The following ARMH4 variants were observed in gnomAD, a reference collection of about 807,000 sequenced individuals.
ARMH4 encodes the protein armadillo like helical domain containing 4, also known as armadillo-like helical domain-containing protein 4.
In ARMH4, 49 loss-of-function variants were observed where a neutral mutation model predicts 61.9. That is an observed-to-expected ratio of 0.79 (90% CI 0.63 to 1.00). ARMH4 has a LOEUF of 1.00. Among genes scored for constraint, ARMH4 ranks in the 50% least tolerant of loss-of-function variants. The probability of loss-of-function intolerance (pLI) is 0.00; values close to 1 mark genes in which losing one functional copy is unlikely to be tolerated. For synonymous variants in ARMH4, 368 were observed against 341.5 expected (o/e 1.08, Z -0.85); for missense variants, 934 against 930.0 (o/e 1.00, Z -0.06).
chr14:58,126,976 G>T (rs1886916735), intron 4 of ARMH4, among the ~76,000 whole-genome samples: 1 of 151,774 alleles, frequency 6.6e-6, no homozygotes, highest in Non-Finnish European at 1.5e-5. Context: ...CTAATTTTTT[G>T]TATTTTTAGT....
rs538125128 is a variant in ARMH4 at position 58,131,564 on chromosome 14, A to G, written c.1779T>C (p.Ile593=). 5 of 1,614,248 alleles carry G rather than the reference A, an allele frequency of 3.1e-6. No individual in the cohort carries two copies. The Admixed American group carries it at 6.7e-5, about 22-fold the overall frequency. The part of the protein sequence containing the change: ...SSERRTVVPS[I]TRVNTAASYG... ...ATGAGGCAGCTGTATTAACACGAGT[A>G]ATAGATGGAACAACAGTTCTTCTCT... Residue 593 remains isoleucine (I), a synonymous_variant, in exon 4 of 8, where the codon ATT becomes ATC. Coordinates refer to ENST00000267485, the MANE Select transcript of ARMH4 (RefSeq NM_001001872.4).
At chr14:58,030,938 A>T (rs191309050) in intron 5 of ARMH4, among the ~76,000 whole-genome samples, 78 of 152,338 alleles carry the variant, frequency 5.1e-4, no homozygotes, top group African/African-American at 1.9e-3. Flanking sequence ...ATGAACATGG[A>T]TGTACAAATA....
intron 5 of ARMH4, among the ~76,000 whole-genome samples, chr14:58,020,590 G>A (rs958741497): frequency 1.3e-5 from 2 of 151,970 alleles, no homozygotes; most frequent in Non-Finnish European, 2.9e-5. Context: ...CTTCCTGTCT[G>A]TGGTGTGTGT....
chr14:58,049,078 A>T (rs940461158), intron 5 of ARMH4, among the ~76,000 whole-genome samples: 1 of 151,888 alleles, frequency 6.6e-6, no homozygotes, highest in Non-Finnish European at 1.5e-5. Flanking sequence ...TCTATTAAAA[A>T]CACAAAAAAA....
chr14:58,041,883 CAAG>C (rs1453656244), intron 5 of ARMH4, among the ~76,000 whole-genome samples: 2 of 152,142 alleles, frequency 1.3e-5, no homozygotes, highest in African/African-American at 4.8e-5. Context: ...ATCAATTCAA[CAAG>C]AAGAGGTAAC....
intron 5 of ARMH4, among the ~76,000 whole-genome samples, chr14:58,013,613 ACATGCATTG>A (rs1882493975): frequency 6.6e-6 from 1 of 152,208 alleles, no homozygotes; most frequent in Admixed American, 6.5e-5. Flanking sequence ...AAAGCATGCC[ACATGCATTG>A]CATCACTTGA....
chr14:58,029,763 A>G (rs1293340822), intron 5 of ARMH4, among the ~76,000 whole-genome samples: 3 of 152,214 alleles, frequency 2.0e-5, no homozygotes, highest in Non-Finnish European at 2.9e-5. Context: ...GTGGGAACAT[A>G]AAATGATGCA....
At chr14:58,111,818 G>A (rs8020882) in intron 4 of ARMH4, among the ~76,000 whole-genome samples, 5,907 of 151,812 alleles carry the variant, frequency 0.039, 148 homozygotes, top group African/African-American at 0.072. Flanking sequence ...TCAGCCTCCC[G>A]AGTAGCTAGG....
Position 58,138,767 on chromosome 14 carries a change from CCTGA to C in ARMH4, c.588_591del (p.Ser196ArgfsTer14). 6.2e-7 allele frequency: 1 copy of C among 1,614,198 alleles called. No individual in the cohort carries two copies. Among genetic ancestry groups the C allele is most frequent in the Non-Finnish European group, 8.5e-7 (1 of 1,180,040 alleles). ...GGTGAATGTCCCAAACCAACTCCTT[CCTGA>C]CTTTCAGTTGCAAATGATTGATTAT... On this transcript the variant is annotated frameshift_variant, in exon 2 of 8. Transcript: ENST00000267485. LOFTEE classifies it high-confidence loss of function.
intron 4 of ARMH4, among the ~76,000 whole-genome samples, chr14:58,124,964 C>T (rs1299839104): frequency 1.3e-5 from 2 of 152,134 alleles, no homozygotes; most frequent in African/African-American, 4.8e-5. Context: ...CCTCCATGCC[C>T]ATGCAGCAAT....
At chr14:58,026,221 A>G (rs1481743856) in intron 5 of ARMH4, among the ~76,000 whole-genome samples, 1 of 152,134 alleles carries the variant, frequency 6.6e-6, no homozygotes, top group African/African-American at 2.4e-5. Flanking sequence ...GTATCCCTCA[A>G]TGTGTCTTCC....
chr14:58,092,471 C>T (rs1467230277), intron 5 of ARMH4, among the ~76,000 whole-genome samples: 1 of 152,222 alleles, frequency 6.6e-6, no homozygotes, highest in Non-Finnish European at 1.5e-5. Flanking sequence ...CCTATGGCTG[C>T]TATAACAAAT....
intron 5 of ARMH4, among the ~76,000 whole-genome samples, chr14:58,095,322 G>C (rs7157794): frequency 6.6e-6 from 1 of 151,934 alleles, no homozygotes; most frequent in Non-Finnish European, 1.5e-5. Flanking sequence ...CACAACCCGA[G>C]GAGTCACTTT....
intron 5 of ARMH4, among the ~76,000 whole-genome samples, chr14:58,044,838 A>G (rs1209723901): frequency 6.6e-6 from 1 of 152,246 alleles, no homozygotes. Context: ...AGACATTTAT[A>G]CAGCCAACAG....
chr14:58,144,087 T>C (rs1566603537), intron 1 of ARMH4, among the ~76,000 whole-genome samples: 1 of 152,054 alleles, frequency 6.6e-6, no homozygotes, highest in Non-Finnish European at 1.5e-5. Context: ...CTGTTCTTTT[T>C]AAAAAAGAGA....
chr14:58,089,337 TAAG>T (rs1359124525), intron 5 of ARMH4, among the ~76,000 whole-genome samples: 17 of 152,228 alleles, frequency 1.1e-4, no homozygotes, highest in Non-Finnish European at 1.5e-5. Context: ...TGCACTATAT[TAAG>T]TAGTCAATCT....
chr14:58,118,818 T>A (rs1337058093), intron 4 of ARMH4, among the ~76,000 whole-genome samples: 7 of 152,178 alleles, frequency 4.6e-5, no homozygotes. Context: ...TTTCTACTAA[T>A]TTCAGCTGAA....
chr14:58,120,545 A>T (rs1336873188), intron 4 of ARMH4, among the ~76,000 whole-genome samples: 1 of 152,102 alleles, frequency 6.6e-6, no homozygotes, highest in Admixed American at 6.5e-5. Flanking sequence ...ATTTGAAGAG[A>T]TATATTCTGA....
intron 1 of ARMH4, among the ~76,000 whole-genome samples, chr14:58,150,680 A>G (rs76967591): frequency 6.6e-6 from 1 of 152,290 alleles, no homozygotes; most frequent in East Asian, 1.9e-4. Flanking sequence ...GGGAGTTTCT[A>G]TGAATAAACT....
Sources: gnomAD v4.1 joint callset for allele counts (sites outside exome capture counted in the v4.1 genomes callset) on GRCh38, gnomAD v4.1.1 for gene constraint, MANE v1.5 for transcripts, NCBI Gene and HGNC (gene_info 2026-07-23, HGNC 2026-07-21) for gene names.